CACNA2D1: variants seen among roughly 807,000 people sequenced by gnomAD.
CACNA2D1 encodes calcium voltage-gated channel auxiliary subunit alpha2delta 1.
In CACNA2D1, 53 loss-of-function variants were observed where a neutral mutation model predicts 171.5. The ratio of observed to expected loss-of-function variants is 0.31; its 90% CI spans 0.25 to 0.39. CACNA2D1 has a LOEUF of 0.39. CACNA2D1 is among the 10% of genes least tolerant of loss of function. The pLI, the probability that CACNA2D1 is intolerant of heterozygous loss-of-function variation, is 1.00. For synonymous variants in CACNA2D1, 442 were observed against 443.1 expected, an observed-to-expected ratio of 1.00 and a Z score of 0.03; for missense variants, 903 against 1,299.8, an observed-to-expected ratio of 0.69 and a Z score of 4.69.
intron 4 of CACNA2D1, among the ~76,000 whole-genome samples, chr7:82,150,769 T>C (rs1490118809): frequency 1.3e-5 from 2 of 152,188 alleles, no homozygotes; most frequent in Non-Finnish European, 2.9e-5. Flanking sequence ...AGTGTTTTTA[T>C]AGGGCATAGA....
At chr7:82,243,367 C>A (rs536090319) in intron 3 of CACNA2D1, among the ~76,000 whole-genome samples, 1 of 152,220 alleles carries the variant, frequency 6.6e-6, no homozygotes, top group African/African-American at 2.4e-5. Flanking sequence ...TTCAATTCTG[C>A]AGTAGGGTTT....
chr7:82,316,817 T>G (rs1463859546), intron 3 of CACNA2D1, among the ~76,000 whole-genome samples: 4 of 152,074 alleles, frequency 2.6e-5, no homozygotes, highest in African/African-American at 9.7e-5. Flanking sequence ...GAACTCCCAT[T>G]TATAAAACCA....
intron 1 of CACNA2D1, among the ~76,000 whole-genome samples, chr7:82,372,704 T>C (rs945541428): frequency 1.3e-5 from 2 of 152,184 alleles, no homozygotes; most frequent in African/African-American, 2.4e-5. Flanking sequence ...ATCTTGATAA[T>C]TGCTTATAAA....
chr7:82,398,708 G>T (rs1192189741), intron 1 of CACNA2D1, among the ~76,000 whole-genome samples: 2 of 151,654 alleles, frequency 1.3e-5, no homozygotes, highest in Non-Finnish European at 2.9e-5. Context: ...CTCCCGAGTA[G>T]CTGGGACTAC....
At chr7:82,103,652 C>T (rs1397383363) in intron 6 of CACNA2D1, among the ~76,000 whole-genome samples, 1 of 140,054 alleles carries the variant, frequency 7.1e-6, no homozygotes, top group African/African-American at 2.6e-5. Flanking sequence ...GCCAAATAAA[C>T]ATTTGTGTGT....
At chr7:82,197,479 G>T (rs1414629384) in intron 3 of CACNA2D1, among the ~76,000 whole-genome samples, 1 of 152,024 alleles carries the variant, frequency 6.6e-6, no homozygotes, top group African/African-American at 2.4e-5. Flanking sequence ...ACAAAAACTA[G>T]AATTGACAGG....
chr7:82,423,320 C>T (rs945361112), intron 1 of CACNA2D1, among the ~76,000 whole-genome samples: 3 of 152,106 alleles, frequency 2.0e-5, no homozygotes, highest in Non-Finnish European at 4.4e-5. Flanking sequence ...TGTGGATTAA[C>T]AATTTTACAT....
chr7:82,032,260 A>C (rs1802790018), intron 12 of CACNA2D1, among the ~76,000 whole-genome samples: 1 of 151,902 alleles, frequency 6.6e-6, no homozygotes, highest in African/African-American at 2.4e-5. Context: ...CTTTCTTTTA[A>C]TACATTATAC....
intron 4 of CACNA2D1, among the ~76,000 whole-genome samples, chr7:82,168,087 C>T (rs542671610): frequency 6.6e-6 from 1 of 152,130 alleles, no homozygotes; most frequent in African/African-American, 2.4e-5. Flanking sequence ...CACTTTTTGA[C>T]ATCTCTAAGA....
chr7:82,064,314 G>T lies in CACNA2D1; in HGVS notation c.769C>A (p.Leu257Met). The change falls in exon 9 of 39, where the codon CTG (leucine) becomes ATG (methionine). Residue 257 changes from leucine to methionine, a missense_variant. By Grantham distance (15) the Leu-to-Met change is conservative (BLOSUM62 2). Around this residue, in one of 5 missense-constraint regions of CACNA2D1, gnomAD observed 12 missense variants for 50.7 expected, o/e 0.24. Transcript: ENST00000356860. ...TATTTAACAACTCACACATCCACCA[G>T]AATAAGCATGTCTTTAGGAGATGCA... ...GAASPKDMLILVDVSGSVSGL... is the reference protein window; with the variant it reads ...GAASPKDMLIMVDVSGSVSGL... 1 of 1,600,960 alleles carries T rather than the reference G, an allele frequency of 6.2e-7. No homozygotes were observed. Among genetic ancestry groups the T allele is most frequent in the Non-Finnish European group, 8.6e-7 (1 of 1,168,932 alleles).
intron 1 of CACNA2D1, among the ~76,000 whole-genome samples, chr7:82,390,811 AG>A (rs1443539619): frequency 1.3e-5 from 2 of 152,168 alleles, no homozygotes; most frequent in Non-Finnish European, 2.9e-5. Context: ...AGAGACTAAC[AG>A]GGTTATAAAA....
At chr7:82,202,086 T>C (rs1364921951) in intron 3 of CACNA2D1, among the ~76,000 whole-genome samples, 1 of 152,110 alleles carries the variant, frequency 6.6e-6, no homozygotes, top group Non-Finnish European at 1.5e-5. Flanking sequence ...ATTCCACTCA[T>C]TATATAACCA....
At chr7:82,310,529 A>C (rs1235388882) in intron 3 of CACNA2D1, among the ~76,000 whole-genome samples, 1 of 152,070 alleles carries the variant, frequency 6.6e-6, no homozygotes, top group Non-Finnish European at 1.5e-5. Context: ...TTGAGCCTTC[A>C]TATCAAAAAC....
At chr7:82,228,940 C>G (rs1185854903) in intron 3 of CACNA2D1, among the ~76,000 whole-genome samples, 1 of 152,078 alleles carries the variant, frequency 6.6e-6, no homozygotes, top group East Asian at 1.9e-4. Flanking sequence ...TAAGATGACT[C>G]TAATGTTCTC....
At chr7:82,429,206 T>C (rs1402041800) in intron 1 of CACNA2D1, among the ~76,000 whole-genome samples, 1 of 152,242 alleles carries the variant, frequency 6.6e-6, no homozygotes, top group African/African-American at 2.4e-5. Context: ...TATCTGAATC[T>C]GCATGTATAT....
intron 5 of CACNA2D1, among the ~76,000 whole-genome samples, chr7:82,126,652 T>A (rs988980235): frequency 1.3e-5 from 2 of 152,212 alleles, no homozygotes; most frequent in Non-Finnish European, 2.9e-5. Context: ...ATTTATCTTC[T>A]CTGAATTCCT....
At chr7:82,272,227 G>C (rs1284161460) in intron 3 of CACNA2D1, among the ~76,000 whole-genome samples, 1 of 152,106 alleles carries the variant, frequency 6.6e-6, no homozygotes, top group East Asian at 1.9e-4. Context: ...TGGAATATAT[G>C]ACAAAAATAT....
chr7:82,140,954 T>TTAAAAAAAAAAAAAAAAAAAAAAAAA (rs1368347851), intron 4 of CACNA2D1, among the ~76,000 whole-genome samples: 1 of 91,816 alleles, frequency 1.1e-5, no homozygotes, highest in Non-Finnish European at 2.1e-5. Context: ...GACTCGTCTC[T>TTAAAAAAAAAAAAAAAAAAAAAAAAA]AAAAAAAAAA....
chr7:81,961,838 A>AGG (rs1794164053), intron 36 of CACNA2D1, 56 bp downstream of exon 36: 6 of 335,772 alleles, frequency 1.8e-5, no homozygotes, highest in Middle Eastern at 6.0e-4. Flanking sequence ...TAATGATTAT[A>AGG]ACAGTATATA....
Sources: allele counts gnomAD v4.1 joint callset (sites outside exome capture counted in the v4.1 genomes callset), GRCh38; gene constraint gnomAD v4.1.1; regional missense constraint gnomAD v4.1.1; transcripts MANE v1.5; gene names NCBI Gene and HGNC (gene_info 2026-07-23, HGNC 2026-07-21).